The following ACSBG1 variants were observed in gnomAD, a reference collection of about 807,000 sequenced individuals.
ACSBG1 encodes acyl-CoA synthetase bubblegum family member 1.
A neutral mutation model predicts 80.2 loss-of-function variants in ACSBG1; 39 were observed. That is an observed-to-expected ratio of 0.49 (90% CI 0.38 to 0.64). The LOEUF (loss-of-function observed/expected upper bound fraction) is 0.64. ACSBG1 is among the 30% of genes least tolerant of loss of function. The pLI, the probability that ACSBG1 is intolerant of heterozygous loss-of-function variation, is 0.00. For synonymous variants in ACSBG1, 392 were observed against 379.5 expected, an observed-to-expected ratio of 1.03 and a Z score of -0.38; for missense variants, 828 against 966.4, an observed-to-expected ratio of 0.86 and a Z score of 1.90.
At chr15:78,205,988 G>A (rs941694145) in intron 2 of ACSBG1, among the ~76,000 whole-genome samples, 2 of 152,132 alleles carry the variant, frequency 1.3e-5, no homozygotes, top group African/African-American at 4.8e-5. Context: ...TGAGAATCTG[G>A]AACTCACCCA....
intron 5 of ACSBG1, among the ~76,000 whole-genome samples, chr15:78,190,880 C>CA (rs71852278): frequency 2.0e-5 from 3 of 151,648 alleles, no homozygotes; most frequent in South Asian, 4.2e-4. Flanking sequence ...ATAAAAAAGA[C>CA]AAAAAAGTCA....
chr15:78,233,057 G>A (rs2075460849), intron 1 of ACSBG1, among the ~76,000 whole-genome samples: 1 of 152,226 alleles, frequency 6.6e-6, no homozygotes, highest in African/African-American at 2.4e-5. Flanking sequence ...ACCCCAGGGA[G>A]GAGGGGAGGT....
chr15:78,191,586 G>A (rs535155127), intron 5 of ACSBG1, among the ~76,000 whole-genome samples: 50 of 152,332 alleles, frequency 3.3e-4, no homozygotes, highest in Middle Eastern at 3.4e-3. Context: ...TTTCTTTGGA[G>A]AATTCCAGCC....
In ACSBG1 at chr15:78,182,122, G is replaced by T; in HGVS notation, c.918C>A (p.Gly306=). 1 of 1,610,524 alleles carries T rather than the reference G, an allele frequency of 6.2e-7. No individual in the cohort carries two copies. ...QDNITWTARY[G]SQAGDIRPAE... ...CCGGCCGGATGTCACCGGCCTGGCT[G>T]CCGTACCGTGCCGTCCACGTGATCT... is the stretch of plus-strand genomic sequence containing the variant. Residue 306 remains glycine (G), a synonymous_variant, in exon 8 of 14, where the codon GGC becomes GGA. Transcript: ENST00000258873.
chr15:78,184,418 A>G (rs1051585090), intron 5 of ACSBG1, among the ~76,000 whole-genome samples: 1 of 152,068 alleles, frequency 6.6e-6, no homozygotes, highest in African/African-American at 2.4e-5. Context: ...CCTGGGCTCA[A>G]GAGATCCTTC....
chr15:78,180,733 C>G, intron 9 of ACSBG1, 22 bp downstream of exon 9: 6 of 1,608,500 alleles, frequency 3.7e-6, no homozygotes, highest in Non-Finnish European at 5.1e-6. Flanking sequence ...CCCCAGGCCT[C>G]CCGCCCGTGG....
chr15:78,174,780 A>G (rs1019500528), intron 11 of ACSBG1: 5 of 510,926 alleles, frequency 9.8e-6, no homozygotes, highest in African/African-American at 7.8e-5. Context: ...CTGCTCAGAC[A>G]TCTCATCCAT....
In ACSBG1 at chr15:78,182,453, G is replaced by T; in HGVS notation, c.894+13C>A. 5.6e-6 allele frequency: 9 copies of T among 1,613,498 alleles called. No individual in the cohort carries two copies. The highest frequency in any genetic ancestry group is 7.6e-6 in the Non-Finnish European group (9 of 1,179,840). ...CCTTGCACCCCCCCCACCCCACCGG[G>T]CATCTGTCCTACATTGTCTTGACTC... is the stretch of plus-strand genomic sequence containing the variant. On this transcript the variant is annotated intron_variant, in intron 7 of 13. Coordinates refer to ENST00000258873, the MANE Select transcript of ACSBG1 (RefSeq NM_015162.5).
rs2141308515 is a variant in ACSBG1 at position 78,169,161 on chromosome 15, A to G, written c.*2283T>C. ...TTAACAAAATCTGTGCAAAAGATGC[A>G]GGTGGATGTCCCTAGGTCTGTTTTC... On this transcript the variant is annotated 3_prime_UTR_variant, in exon 14 of 14. Transcript: ENST00000258873. 1 of 472,806 alleles carries G rather than the reference A, an allele frequency of 2.1e-6. No individual in the cohort carries two copies. Among genetic ancestry groups the G allele is most frequent in the Admixed American group, 3.7e-5 (1 of 26,730 alleles). 29.3% of individuals were successfully genotyped at this position (472,806 alleles called of 1,614,324 possible).
In ACSBG1 at chr15:78,193,435, G is replaced by A. The variant is rs564643745; in HGVS notation, c.663+71C>T. 37 of 1,543,972 alleles carry A rather than the reference G, an allele frequency of 2.4e-5. No homozygotes were observed. The East Asian group carries it at 3.2e-4, about 13-fold the overall frequency. ...TCTGGATGGAGGGCGGGAAGGTTCC[G>A]TGTGAGTTGGAGTGGAGGTGCATGG... On this transcript the variant is annotated intron_variant, in intron 5 of 13. Coordinates refer to ENST00000258873, the MANE Select transcript of ACSBG1 (RefSeq NM_015162.5).
At chr15:78,221,756 G>A (rs142029003) in intron 1 of ACSBG1, among the ~76,000 whole-genome samples, 28 of 152,174 alleles carry the variant, frequency 1.8e-4, no homozygotes, top group African/African-American at 6.7e-4. Flanking sequence ...GCAGTACATC[G>A]TGTCCCTGGT....
Position 78,178,562 on chromosome 15 carries a change from A to C in ACSBG1, c.1702+52T>G, listed in dbSNP as rs974885778. On this transcript the variant is annotated intron_variant, in intron 11 of 13. Coordinates refer to ENST00000258873, the MANE Select transcript of ACSBG1 (RefSeq NM_015162.5). This position sits in a 1 kb window ranked among gnomAD's most constrained non-coding sequence, Gnocchi z 4.3. ...GACAATCTGCCCGCCTTGGCCTCCC[A>C]AAGTGCTGGGATTACAGGCATGAGC... is the stretch of plus-strand genomic sequence containing the variant. The C allele has an allele frequency of 2.0e-5, 31 of 1,548,836 alleles. No individual in the cohort carries two copies.
intron 5 of ACSBG1, among the ~76,000 whole-genome samples, chr15:78,185,344 C>A (rs1424801028): frequency 6.6e-6 from 1 of 152,146 alleles, no homozygotes; most frequent in Non-Finnish European, 1.5e-5. Flanking sequence ...TCATGTTTCC[C>A]CCCACCAGCA....
At chr15:78,207,358 G>C (rs1044685445) in intron 2 of ACSBG1, among the ~76,000 whole-genome samples, 1 of 152,182 alleles carries the variant, frequency 6.6e-6, no homozygotes, top group Admixed American at 6.5e-5. Context: ...GTGACCCTCT[G>C]TGCTGGGTAT....
At chr15:78,226,315 T>C (rs1035887018) in intron 1 of ACSBG1, 12 of 152,158 alleles carry the variant, frequency 7.9e-5, no homozygotes, top group African/African-American at 2.9e-4. Flanking sequence ...GGGTAGATGA[T>C]TACACAAGAA....
rs2075083891 is a variant in ACSBG1, at chr15:78,193,949, C to T, written c.525G>A (p.Val175=). ...FNSPEWFFSA[V]GTVFAGGIVT... is the part of the protein sequence containing the mutation. Reference sequence around the variant, plus strand: ...CCACTCACCCTGCAAATACTGTGCCCACTGCCGAGAAGAACCACTCCGGGG... The same window carrying T: ...CCACTCACCCTGCAAATACTGTGCCTACTGCCGAGAAGAACCACTCCGGGG... Residue 175 remains valine, a synonymous_variant, in exon 4 of 14, where the codon GTG becomes GTA. Coordinates refer to ENST00000258873, the MANE Select transcript of ACSBG1 (RefSeq NM_015162.5). 6.2e-7 allele frequency: 1 copy of T among 1,614,022 alleles called. No homozygotes were observed. Among genetic ancestry groups the T allele is most frequent in the Non-Finnish European group, 8.5e-7 (1 of 1,180,002 alleles).
chr15:78,191,152 T>A (rs946274014), intron 5 of ACSBG1, among the ~76,000 whole-genome samples: 25 of 152,326 alleles, frequency 1.6e-4, no homozygotes, highest in African/African-American at 6.0e-4. Flanking sequence ...CAAGAATTAT[T>A]ACCAGGGATA....
Position 78,168,845 on chromosome 15 carries a change from A to G in ACSBG1, c.*2599T>C. ...GAGTAACTTGCCCAGGTGGCATCTC[A>G]CTGAGGGCTTTAAAATCTCCTTGGT... is the stretch of plus-strand genomic sequence containing the variant. On this transcript the variant is annotated 3_prime_UTR_variant, in exon 14 of 14. Transcript: ENST00000258873. 1 of 919,338 alleles carries G rather than the reference A, an allele frequency of 1.1e-6. No individual in the cohort carries two copies. The highest frequency in any genetic ancestry group is 1.4e-5 in the South Asian group (1 of 71,282). The allele number at this position is 919,338 out of a possible 1,614,324, so 56.9% of individuals were successfully genotyped here.
At chr15:78,181,020 T>TGGCACACACATGCTCCAACG (rs2074938035) in intron 8 of ACSBG1, 84 bp from the exon 9 acceptor site, 2 of 1,513,536 alleles carry the variant, frequency 1.3e-6, no homozygotes, top group Non-Finnish European at 8.9e-7. Flanking sequence ...GGCATGCCGG[T>TGGCACACACATGCTCCAACG]GGCACACACA....
Sources: allele counts gnomAD v4.1 joint callset (sites outside exome capture counted in the v4.1 genomes callset), GRCh38; gene constraint gnomAD v4.1.1; non-coding constraint Gnocchi (gnomAD v3.1); transcripts MANE v1.5; gene names NCBI Gene and HGNC (gene_info 2026-07-23, HGNC 2026-07-21).